Variants in BNC2 observed in about 807,000 individuals in gnomAD.
BNC2 encodes the protein zinc finger protein basonuclin-2.
In BNC2, 20 loss-of-function variants were observed where a neutral mutation model predicts 76.3. The observed-to-expected ratio is 0.26, with a 90% CI of 0.18 to 0.38. BNC2 has a LOEUF of 0.38. BNC2 is among the 10% of genes least tolerant of loss of function. BNC2 has a pLI of 1.00. For missense variants in BNC2, 1,382 were observed against 1,399.8 expected (o/e 0.99, Z 0.20); for synonymous variants, 582 against 514.8 (o/e 1.13, Z -1.77).
At chr9:16,428,538 T>A (rs1820844329) in intron 6 of BNC2, among the ~76,000 whole-genome samples, 1 of 152,246 alleles carries the variant, frequency 6.6e-6, no homozygotes, top group Admixed American at 6.5e-5. Flanking sequence ...AACACACATA[T>A]ACATTACGTG....
intron 1 of BNC2, among the ~76,000 whole-genome samples, chr9:16,800,321 T>C: frequency 6.6e-6 from 1 of 152,122 alleles, no homozygotes; most frequent in Non-Finnish European, 1.5e-5. Flanking sequence ...ATTACACTTC[T>C]AGAAGAAACG....
intron 3 of BNC2, among the ~76,000 whole-genome samples, chr9:16,724,557 T>C (rs1310891454): frequency 6.6e-6 from 1 of 151,954 alleles, no homozygotes; most frequent in Non-Finnish European, 1.5e-5. Flanking sequence ...GAAGAAAAAA[T>C]GTACAGGCAC....
intron 1 of BNC2, among the ~76,000 whole-genome samples, chr9:16,831,828 T>C (rs1008768842): frequency 2.0e-5 from 3 of 152,188 alleles, no homozygotes; most frequent in Admixed American, 1.3e-4. Flanking sequence ...TCAAGCTCCA[T>C]AGAGACTCTC....
chr9:16,666,482 C>G (rs1198950852), intron 3 of BNC2, among the ~76,000 whole-genome samples: 1 of 152,212 alleles, frequency 6.6e-6, no homozygotes, highest in Non-Finnish European at 1.5e-5. Context: ...CTTAAAAACA[C>G]ACGCACAGAA....
intron 5 of BNC2, among the ~76,000 whole-genome samples, chr9:16,472,237 C>A: frequency 6.6e-6 from 1 of 152,208 alleles, no homozygotes; most frequent in East Asian, 1.9e-4. Context: ...TATATAACCT[C>A]ACTGCTTTCT....
intron 2 of BNC2, among the ~76,000 whole-genome samples, chr9:16,735,806 G>C (rs1480940368): frequency 2.6e-5 from 4 of 151,858 alleles, no homozygotes; most frequent in Admixed American, 6.6e-5. Flanking sequence ...GCCCAGCCAA[G>C]ATAATGTTAA....
intron 5 of BNC2, among the ~76,000 whole-genome samples, chr9:16,514,285 T>G (rs1474778829): frequency 6.6e-6 from 1 of 152,168 alleles, no homozygotes. Context: ...GTTCCTTCTG[T>G]GCAAAGAATA....
chr9:16,527,823 C>G (rs931657201), intron 5 of BNC2, among the ~76,000 whole-genome samples: 1 of 152,198 alleles, frequency 6.6e-6, no homozygotes, highest in African/African-American at 2.4e-5. Context: ...CACCCAAATG[C>G]AACGCATCGC....
chr9:16,586,124 T>C (rs542714605), intron 3 of BNC2, among the ~76,000 whole-genome samples: 13 of 152,088 alleles, frequency 8.5e-5, no homozygotes, highest in Admixed American at 2.0e-4. Context: ...TTTTCAAAGT[T>C]TGTCGTTCAC....
At chr9:16,703,045 T>C (rs1823560861) in intron 3 of BNC2, among the ~76,000 whole-genome samples, 1 of 152,154 alleles carries the variant, frequency 6.6e-6, no homozygotes, top group African/African-American at 2.4e-5. Context: ...GCGGAGAAGA[T>C]TCCTAAATCA....
chr9:16,525,924 T>C (rs1817785962), intron 5 of BNC2, among the ~76,000 whole-genome samples: 1 of 152,194 alleles, frequency 6.6e-6, no homozygotes, highest in South Asian at 2.1e-4. Flanking sequence ...TTAGAATACA[T>C]TTTAACTTTA....
At chr9:16,772,307 C>A (rs1825852515) in intron 1 of BNC2, among the ~76,000 whole-genome samples, 1 of 152,052 alleles carries the variant, frequency 6.6e-6, no homozygotes, top group Admixed American at 6.6e-5. Context: ...CCTACAGGGG[C>A]AAGTGAATTA....
intron 1 of BNC2, among the ~76,000 whole-genome samples, chr9:16,812,969 G>A (rs1022409992): frequency 6.6e-6 from 1 of 152,198 alleles, no homozygotes; most frequent in Admixed American, 6.5e-5. Context: ...AGCACTTTAG[G>A]AGGCCGAGGT....
chr9:16,497,993 G>GTGTGTA (rs985375068), intron 5 of BNC2, among the ~76,000 whole-genome samples: 1 of 117,958 alleles, frequency 8.5e-6, no homozygotes, highest in Non-Finnish European at 1.5e-5. Context: ...GTGTGTGTGT[G>GTGTGTA]TGTGTGTGTG....
chr9:16,854,901 A>T (rs1819215709), intron 1 of BNC2, among the ~76,000 whole-genome samples: 1 of 152,058 alleles, frequency 6.6e-6, no homozygotes, highest in Admixed American at 6.6e-5. Flanking sequence ...CGTGAACATC[A>T]CAGGTCACTG....
At chr9:16,702,654 T>C in intron 3 of BNC2, among the ~76,000 whole-genome samples, 1 of 152,034 alleles carries the variant, frequency 6.6e-6, no homozygotes, top group Non-Finnish European at 1.5e-5. Context: ...TACACTACTA[T>C]TTCCAAAAAT....
chr9:16,747,586 T>G (rs2135236785), intron 1 of BNC2, among the ~76,000 whole-genome samples: 1 of 152,336 alleles, frequency 6.6e-6, no homozygotes, highest in South Asian at 2.1e-4. Context: ...GGCCGAAGTC[T>G]TATATTAAGG....
intron 2 of BNC2, among the ~76,000 whole-genome samples, chr9:16,731,371 G>T (rs1824499327): frequency 6.6e-6 from 1 of 152,180 alleles, no homozygotes; most frequent in Non-Finnish European, 1.5e-5. Flanking sequence ...ATGGACCATG[G>T]AAATTATGAA....
At chr9:16,720,604 T>C (rs952181773) in intron 3 of BNC2, among the ~76,000 whole-genome samples, 2 of 152,218 alleles carry the variant, frequency 1.3e-5, no homozygotes, top group African/African-American at 4.8e-5. Context: ...CAAGATTATT[T>C]TCATTTTCTT....
Sources: allele counts gnomAD v4.1 joint callset (sites outside exome capture counted in the v4.1 genomes callset), GRCh38; gene constraint gnomAD v4.1.1; transcripts MANE v1.5; gene names NCBI Gene and HGNC (gene_info 2026-07-23, HGNC 2026-07-21).